The following RIMS2 variants were observed in gnomAD, a reference collection of about 807,000 sequenced individuals.
RIMS2 encodes the protein regulating synaptic membrane exocytosis 2.
RIMS2 carries 59 observed loss-of-function variants against 174.4 expected under a neutral mutation model. The ratio of observed to expected loss-of-function variants is 0.34; its 90% CI spans 0.27 to 0.42. RIMS2 has a LOEUF of 0.42. RIMS2 is among the 10% of genes least tolerant of loss of function. The pLI, the probability that RIMS2 is intolerant of heterozygous loss-of-function variation, is 1.00. For missense variants in RIMS2, 1,620 were observed against 1,666.3 expected, an observed-to-expected ratio of 0.97 and a Z score of 0.48; for synonymous variants, 606 against 572.5, an observed-to-expected ratio of 1.06 and a Z score of -0.84.
intron 3 of RIMS2, among the ~76,000 whole-genome samples, chr8:103,839,768 T>C (rs1285361389): frequency 2.0e-5 from 3 of 152,210 alleles, no homozygotes; most frequent in Non-Finnish European, 4.4e-5. Context: ...CCTAGTACTT[T>C]GCATCAAAAA....
At chr8:103,596,419 A>G (rs2133525457) in intron 1 of RIMS2, among the ~76,000 whole-genome samples, 1 of 152,120 alleles carries the variant, frequency 6.6e-6, no homozygotes, top group East Asian at 1.9e-4. Context: ...GAGGTGGTGC[A>G]CCTTTGCTTA....
At chr8:103,525,409 G>GA (rs1470228273) in intron 1 of RIMS2, among the ~76,000 whole-genome samples, 2 of 152,202 alleles carry the variant, frequency 1.3e-5, no homozygotes, top group Non-Finnish European at 2.9e-5. Context: ...GCTGTTTGCA[G>GA]AAACTAATGG....
chr8:103,779,468 A>G (rs2098359714), intron 3 of RIMS2, among the ~76,000 whole-genome samples: 1 of 152,016 alleles, frequency 6.6e-6, no homozygotes, highest in African/African-American at 2.4e-5. Context: ...GTATATGAAT[A>G]TCCAGTTTTC....
rs549284020 is a variant in RIMS2, at chr8:104,082,494, C to T, written c.3334+67879C>T. Among the ~76,000 whole-genome samples the T allele has an allele frequency of 2.0e-5, 3 of 152,138 alleles. No individual in the cohort carries two copies. In the South Asian group the frequency reaches 6.2e-4, roughly 32 times the overall value. ...AGGACTTCTCAGGCTGAAGAGAGAG[C>T]TTAAACAAAGTTATGGCGTTACATG... On this transcript the variant is annotated intron_variant, in intron 19 of 23. Coordinates refer to ENST00000504942, the Ensembl canonical transcript of RIMS2.
At chr8:104,066,566 AC>A (rs536981263) in intron 19 of RIMS2, among the ~76,000 whole-genome samples, 1 of 152,136 alleles carries the variant, frequency 6.6e-6, no homozygotes, top group Non-Finnish European at 1.5e-5. Flanking sequence ...AGACATGTTT[AC>A]CTGAAAATAT....
At chr8:103,972,994 AT>A (rs767179501) in intron 15 of RIMS2, among the ~76,000 whole-genome samples, 15 of 152,346 alleles carry the variant, frequency 9.8e-5, no homozygotes, top group Non-Finnish European at 1.9e-4. Flanking sequence ...TGGCTACCAA[AT>A]TGGACAGCAC....
At chr8:104,222,649 T>C (rs1239181245) in intron 19 of RIMS2, among the ~76,000 whole-genome samples, 1 of 152,236 alleles carries the variant, frequency 6.6e-6, no homozygotes, top group Non-Finnish European at 1.5e-5. Context: ...GTTTGCAGAA[T>C]GCATCATGTA....
chr8:103,585,730 G>T (rs1015051825), intron 1 of RIMS2, among the ~76,000 whole-genome samples: 1 of 151,880 alleles, frequency 6.6e-6, no homozygotes, highest in Admixed American at 6.6e-5. Flanking sequence ...GCCTGTTGGG[G>T]GGTTGGGGGC....
At chr8:104,243,987 C>T (rs1277424635) in intron 19 of RIMS2, among the ~76,000 whole-genome samples, 1 of 152,148 alleles carries the variant, frequency 6.6e-6, no homozygotes, top group Non-Finnish European at 1.5e-5. Flanking sequence ...TATCTTTGCA[C>T]CTTTGCCATG....
At chr8:103,963,919 C>T (rs2091008592) in intron 15 of RIMS2, among the ~76,000 whole-genome samples, 1 of 152,180 alleles carries the variant, frequency 6.6e-6, no homozygotes, top group African/African-American at 2.4e-5. Context: ...CAGAATGTCA[C>T]ATAGTTGGAA....
rs957144409 is a variant in RIMS2 at position 104,054,315 on chromosome 8, A to T, written c.3334+39700A>T. 4.6e-5 allele frequency among the ~76,000 whole-genome samples: 7 copies of T among 152,294 alleles called. No homozygotes were observed. The South Asian group carries it at 1.5e-3, about 32-fold the overall frequency. ...CTACATGACATTAGCTGCTCTCTGT[A>T]GTCATTCTTGTACACTTGACCAATA... On this transcript the variant is annotated intron_variant, in intron 19 of 23. Transcript: ENST00000504942.
At chr8:103,825,446 A>ATTTTTTTTTTTTT (rs35460743) in intron 3 of RIMS2, among the ~76,000 whole-genome samples, 1 of 131,850 alleles carries the variant, frequency 7.6e-6, no homozygotes, top group Non-Finnish European at 1.6e-5. Flanking sequence ...TGGCTAGCTA[A>ATTTTTTTTTTTTT]TTTTTTTTTT....
At chr8:103,761,526 C>G (rs913999152) in intron 2 of RIMS2, among the ~76,000 whole-genome samples, 1 of 152,142 alleles carries the variant, frequency 6.6e-6, no homozygotes, top group African/African-American at 2.4e-5. Flanking sequence ...TCTCCAAGGT[C>G]TTGGCTGAAC....
intron 1 of RIMS2, among the ~76,000 whole-genome samples, chr8:103,668,582 G>A (rs1359415101): frequency 1.3e-5 from 2 of 152,184 alleles, no homozygotes; most frequent in African/African-American, 4.8e-5. Context: ...GTGTGTGTGA[G>A]TGTGTGCATG....
chr8:103,896,187 A>G (rs555390261), intron 4 of RIMS2, among the ~76,000 whole-genome samples: 1 of 151,712 alleles, frequency 6.6e-6, no homozygotes, highest in East Asian at 1.9e-4. Flanking sequence ...GCCTTAGGCT[A>G]GAAAAATTGC....
chr8:104,078,583 C>T (rs892450343), intron 19 of RIMS2, among the ~76,000 whole-genome samples: 2 of 152,160 alleles, frequency 1.3e-5, no homozygotes, highest in African/African-American at 4.8e-5. Flanking sequence ...AGTACAGTCA[C>T]ATTCTGAGGT....
intron 19 of RIMS2, among the ~76,000 whole-genome samples, chr8:104,102,164 C>T (rs990293333): frequency 1.3e-5 from 2 of 152,178 alleles, no homozygotes; most frequent in Non-Finnish European, 2.9e-5. Context: ...GGGTTCTGCA[C>T]ATCTTCCTGT....
At chr8:103,926,276 T>A (rs2078760223) in intron 10 of RIMS2, among the ~76,000 whole-genome samples, 1 of 151,570 alleles carries the variant, frequency 6.6e-6, no homozygotes, top group Admixed American at 6.6e-5. Flanking sequence ...ACATGCCAAA[T>A]TTCTCTATGA....
chr8:103,801,602 G>A (rs1446276444), intron 3 of RIMS2, among the ~76,000 whole-genome samples: 2 of 151,902 alleles, frequency 1.3e-5, no homozygotes, highest in African/African-American at 4.8e-5. Context: ...CAGTACTATT[G>A]GGATAATTTT....
Sources: allele counts gnomAD v4.1 joint callset (sites outside exome capture counted in the v4.1 genomes callset), GRCh38; gene constraint gnomAD v4.1.1; transcripts MANE v1.5; gene names NCBI Gene and HGNC (gene_info 2026-07-23, HGNC 2026-07-21).